PLIN3: variants seen among roughly 807,000 people sequenced by gnomAD.
PLIN3 encodes the protein perilipin-3.
PLIN3 carries 30 observed loss-of-function variants against 35.9 expected under a neutral mutation model. That is an observed-to-expected ratio of 0.84 (90% confidence interval 0.62 to 1.13). The LOEUF (loss-of-function observed/expected upper bound fraction) is 1.13. Among genes scored for constraint, PLIN3 ranks in the 50% most tolerant of loss-of-function variants. The pLI is 0.00. For synonymous variants in PLIN3, 261 were observed against 262.5 expected (o/e 0.99, Z 0.06); for missense variants, 603 against 596.9 (o/e 1.01, Z -0.11).
At chr19:4,861,009 A>G (rs1315254564) in intron 2 of PLIN3, among the ~76,000 whole-genome samples, 1 of 152,122 alleles carries the variant, frequency 6.6e-6, no homozygotes, top group Non-Finnish European at 1.5e-5. Flanking sequence ...TGAGGATGAG[A>G]GATCTGGAAT....
intron 5 of PLIN3, among the ~76,000 whole-genome samples, chr19:4,848,465 T>C (rs1189417718): frequency 6.6e-6 from 1 of 152,256 alleles, no homozygotes; most frequent in East Asian, 1.9e-4. Flanking sequence ...CAGACCTGCC[T>C]TGGACAACCT....
At chr19:4,854,422 T>A (rs1012239073) in intron 4 of PLIN3, among the ~76,000 whole-genome samples, 2 of 150,620 alleles carry the variant, frequency 1.3e-5, no homozygotes, top group African/African-American at 4.9e-5. Flanking sequence ...TGTTTTTTTT[T>A]ACAGAGTTTT....
In PLIN3 at chr19:4,857,579, T is replaced by A. The variant is rs528571168; in HGVS notation, c.348+2011A>T. On this transcript the variant is annotated intron_variant, in intron 4 of 7. Coordinates refer to ENST00000221957, the MANE Select transcript of PLIN3 (RefSeq NM_005817.5). ...GTGAGAACCTGTCTCAAAAAAAAAA[T>A]TTTTTTTTTTAATGTTAAGAGCCAA... Among the ~76,000 whole-genome samples, 85 of 148,106 alleles carry A rather than the reference T, an allele frequency of 5.7e-4. 1 individual carries two copies. Among genetic ancestry groups the A allele is most frequent in the African/African-American group, 1.9e-3 (77 of 40,530 alleles).
chr19:4,839,666 AC>A (rs2029870531), intron 7 of PLIN3, 130 bp from the exon 8 acceptor site: 2 of 608,198 alleles, frequency 3.3e-6, no homozygotes, highest in Non-Finnish European at 5.0e-6. Context: ...CATAGGCGAA[AC>A]TTTTTTTTTT....
intron 7 of PLIN3, among the ~76,000 whole-genome samples, chr19:4,843,499 C>T (rs1036108809): frequency 7.3e-5 from 6 of 82,622 alleles, no homozygotes; most frequent in East Asian, 5.0e-4. Flanking sequence ...CAGAGCGAGA[C>T]TCCATCTCAA....
At chr19:4,854,938 G>A (rs947658036) in intron 4 of PLIN3, among the ~76,000 whole-genome samples, 2 of 151,652 alleles carry the variant, frequency 1.3e-5, no homozygotes, top group African/African-American at 2.4e-5. Context: ...AACATAGTAA[G>A]ACCTCACCTC....
chr19:4,844,776 T>C lies in PLIN3; in HGVS notation c.852A>G (p.Gln284=), dbSNP rs2030030219. The C allele has an allele frequency of 6.2e-7, 1 of 1,600,702 alleles. No homozygotes were observed. The highest frequency in any genetic ancestry group is 8.5e-7 in the Non-Finnish European group (1 of 1,173,896). ...CTTCCACCAGCTTCTGATCAACGCC[T>C]TGCTTGACAGTTTCCATCTGGGGCA... ...QVLSLMETVK[Q]GVDQKLVEGQ... The change falls in exon 7 of 8, where the codon CAA becomes CAG. Residue 284 remains glutamine (Q), a synonymous_variant. Coordinates refer to ENST00000221957, the MANE Select transcript of PLIN3 (RefSeq NM_005817.5).
chr19:4,865,730 G>GTT (rs35687506), intron 1 of PLIN3, among the ~76,000 whole-genome samples: 70 of 131,362 alleles, frequency 5.3e-4, no homozygotes, highest in Non-Finnish European at 6.5e-4. Flanking sequence ...TTTTTTTTTT[G>GTT]TTTTTTTTTT....
Position 4,859,559 on chromosome 19 carries a change from C to T in PLIN3, c.348+31G>A, listed in dbSNP as rs375580679. 39 of 1,599,822 alleles carry T rather than the reference C, an allele frequency of 2.4e-5. No individual in the cohort carries two copies. In the Middle Eastern group the frequency reaches 5.0e-4, roughly 21 times the overall value. On this transcript the variant is annotated intron_variant, in intron 4 of 7. Coordinates refer to ENST00000221957, the MANE Select transcript of PLIN3 (RefSeq NM_005817.5). ...TCCACACCCAGGTAGGTCCCTGTCTCGACAGAGCCCCTGAGGACGGACATC... is the reference window on the plus strand; with the variant it reads ...TCCACACCCAGGTAGGTCCCTGTCTTGACAGAGCCCCTGAGGACGGACATC...
intron 5 of PLIN3, among the ~76,000 whole-genome samples, chr19:4,850,282 C>T (rs978340844): frequency 7.1e-6 from 1 of 140,646 alleles, no homozygotes; most frequent in African/African-American, 2.6e-5. Flanking sequence ...TGTACCCATG[C>T]TTTTTTTTTT....
intron 2 of PLIN3, among the ~76,000 whole-genome samples, chr19:4,860,436 C>T (rs1268276762): frequency 6.6e-6 from 1 of 151,878 alleles, no homozygotes; most frequent in Non-Finnish European, 1.5e-5. Context: ...AACTCCTGAC[C>T]TCGTGATTCG....
rs1031987747 is a variant in PLIN3 at position 4,839,125 on chromosome 19, C to T, written c.*67G>A. On this transcript the variant is annotated 3_prime_UTR_variant, in exon 8 of 8. Coordinates refer to ENST00000221957, the MANE Select transcript of PLIN3 (RefSeq NM_005817.5). ...TAGAAAATAAGTTTGAAATGAGCCC[C>T]GGGTTGAGGACTCCAGAGCACAGCT... 8 of 1,292,372 alleles carry T rather than the reference C, an allele frequency of 6.2e-6. No individual in the cohort carries two copies. The highest frequency in any genetic ancestry group is 2.1e-4 in the Middle Eastern group (1 of 4,830). The allele number at this position is 1,292,372 out of a possible 1,614,324, so 80.1% of individuals were successfully genotyped here. A position where few individuals can be genotyped will look rare whatever the true frequency, so the allele number is the denominator to read the frequency against.
chr19:4,840,117 G>A (rs1178850299), intron 7 of PLIN3, among the ~76,000 whole-genome samples: 1 of 151,422 alleles, frequency 6.6e-6, no homozygotes, highest in East Asian at 1.9e-4. Flanking sequence ...ACAGGCGCGT[G>A]CCACCACGCC....
intron 6 of PLIN3, among the ~76,000 whole-genome samples, chr19:4,845,495 G>A (rs560925081): frequency 2.6e-5 from 4 of 152,220 alleles, no homozygotes; most frequent in South Asian, 2.1e-4. Context: ...CCAAAGGAAC[G>A]AAGCAGGCTG....
intron 5 of PLIN3, 79 bp downstream of exon 5, chr19:4,851,937 A>G: frequency 6.9e-7 from 1 of 1,448,888 alleles, no homozygotes; most frequent in Non-Finnish European, 9.4e-7. Flanking sequence ...GTGTCGGCAC[A>G]GACCCCAGGA....
In PLIN3 at chr19:4,852,297, A is replaced by G; in HGVS notation, c.353T>C (p.Leu118Pro). The G allele has an allele frequency of 6.3e-7, 1 of 1,599,950 alleles. No individual in the cohort carries two copies. The highest frequency in any genetic ancestry group is 1.1e-5 in the South Asian group (1 of 91,042). ...CGACACAAGCTCCTTGGTGTCCGCC[A>G]GGACCTAGGAGATGCAACAGCATCA... ...PILQQPTEKV[L>P]ADTKELVSSK... The change falls in exon 5 of 8, where the codon CTG (leucine) becomes CCG (proline). Residue 118 changes from leucine to proline, a missense_variant. Coordinates refer to ENST00000221957, the MANE Select transcript of PLIN3 (RefSeq NM_005817.5).
chr19:4,856,049 A>T (rs1017165276), intron 4 of PLIN3, among the ~76,000 whole-genome samples: 6 of 152,050 alleles, frequency 3.9e-5, no homozygotes, highest in Non-Finnish European at 7.4e-5. Flanking sequence ...GGCATACAGT[A>T]GGCACTCAAT....
intron 3 of PLIN3, 30 bp downstream of exon 3, chr19:4,859,796 G>A (rs1476461948): frequency 1.2e-6 from 2 of 1,610,436 alleles, no homozygotes; most frequent in Non-Finnish European, 1.7e-6. Context: ...ACCAGGAGGG[G>A]AATTCAGTGC....
intron 6 of PLIN3, among the ~76,000 whole-genome samples, chr19:4,845,601 C>T (rs959830310): frequency 6.6e-6 from 1 of 152,022 alleles, no homozygotes; most frequent in African/African-American, 2.4e-5. Flanking sequence ...GACATCTCAT[C>T]TCTACATATT....
Sources: allele counts gnomAD v4.1 joint callset (sites outside exome capture counted in the v4.1 genomes callset), GRCh38; gene constraint gnomAD v4.1.1; transcripts MANE v1.5; gene names NCBI Gene and HGNC (gene_info 2026-07-23, HGNC 2026-07-21).